Variants in FSTL4 observed in about 807,000 individuals in gnomAD.
FSTL4 encodes the protein follistatin like 4.
Under a neutral mutation model 78.2 loss-of-function variants are expected in FSTL4, and 28 were observed. The observed-to-expected ratio is 0.36, with a 90% confidence interval of 0.27 to 0.49. The LOEUF (loss-of-function observed/expected upper bound fraction) is 0.49. Ranked by LOEUF, FSTL4 falls within the 20% of genes least tolerant of loss-of-function variation. FSTL4 has a pLI of 0.98. For synonymous variants in FSTL4, 422 were observed against 440.5 expected (o/e 0.96, Z 0.53); for missense variants, 922 against 1,084.9 (o/e 0.85, Z 2.11).
chr5:133,467,489 T>G (rs1405013275), intron 3 of FSTL4, among the ~76,000 whole-genome samples: 1 of 152,070 alleles, frequency 6.6e-6, no homozygotes, highest in African/African-American at 2.4e-5. Context: ...TATGATCTGA[T>G]TGTGTTACTT....
rs1380097378 is a variant in FSTL4 at position 133,383,135 on chromosome 5, C to T, written c.409+17603G>A. Among the ~76,000 whole-genome samples, 7 of 152,212 alleles carry T rather than the reference C, an allele frequency of 4.6e-5. No homozygotes were observed. The East Asian group carries it at 1.3e-3, about 29-fold the overall frequency. Reference sequence around the variant, plus strand: ...CCCGGCCCACCCTGATTTTGTCCTACCCTGAGTTTCAAATGTCTCCCAGTC... The same window carrying T: ...CCCGGCCCACCCTGATTTTGTCCTATCCTGAGTTTCAAATGTCTCCCAGTC... On this transcript the variant is annotated intron_variant, in intron 4 of 15. Transcript: ENST00000265342.
At chr5:133,639,566 C>T in the FSTL4 span, among the ~76,000 whole-genome samples, 1 of 152,174 alleles carries the variant, frequency 6.6e-6, no homozygotes. Flanking sequence ...AAACCCAGAG[C>T]TTTGAGTCAA....
the FSTL4 span, among the ~76,000 whole-genome samples, chr5:133,637,974 TAA>T: frequency 1.3e-5 from 2 of 150,814 alleles, no homozygotes; most frequent in Admixed American, 6.6e-5. Flanking sequence ...ATAATAATAA[TAA>T]TAAATTAATT....
rs59400068 is a variant in FSTL4, at chr5:133,221,891, G to GTTTTTTTT, written c.1340-1033_1340-1026dup. On this transcript the variant is annotated intron_variant, in intron 11 of 15. Transcript: ENST00000265342. ...AATATGTAGAAAAATCTCTTTTCTA[G>GTTTTTTTT]TTTTTTTTTTTTTTTTTTTTTTTTT... Among the ~76,000 whole-genome samples, 17 of 43,352 alleles carry GTTTTTTTT rather than the reference G, an allele frequency of 3.9e-4. 2 individuals are homozygous for GTTTTTTTT. Among genetic ancestry groups the GTTTTTTTT allele is most frequent in the East Asian group, 1.5e-3 (1 of 646 alleles). 28.4% of individuals were successfully genotyped at this position (43,352 alleles called of 152,430 possible). A position where few individuals can be genotyped will look rare whatever the true frequency, so the allele number is the denominator to read the frequency against.
At chr5:133,733,555 C>T in the FSTL4 span, among the ~76,000 whole-genome samples, 4 of 152,130 alleles carry the variant, frequency 2.6e-5, no homozygotes, top group African/African-American at 9.7e-5. Flanking sequence ...CAGAAAAATC[C>T]AGATGGTGGG....
At position 133,199,688 on chromosome 5, in the gene FSTL4, C is replaced by T. The variant is rs748463387; in HGVS notation, c.1936G>A (p.Ala646Thr). 6.2e-7 allele frequency: 1 copy of T among 1,613,878 alleles called. No homozygotes were observed. The highest frequency in any genetic ancestry group is 1.3e-5 in the African/African-American group (1 of 75,044). ...GLHHHGCVPQ[A>T]MAHTHLGGYF... is the part of the protein sequence containing the mutation. ...CCGCCCAGGTGGGTGTGTGCCATGG[C>T]CTGGGGCACGCAGCCATGGTGGTGC... Residue 646 changes from alanine (A) to threonine (T), a missense_variant, in exon 16 of 16, where the codon GCC becomes ACC. Ala to Thr is a moderately conservative substitution (Grantham distance 58). Transcript: ENST00000265342. The surrounding 1 kb of genome is among the most constrained non-coding windows in gnomAD (Gnocchi z 4.4).
intron 12 of FSTL4, among the ~76,000 whole-genome samples, chr5:133,218,396 C>T (rs1750984330): frequency 6.6e-6 from 1 of 152,172 alleles, no homozygotes; most frequent in Non-Finnish European, 1.5e-5. Flanking sequence ...CCCTAGCCTC[C>T]CAACCTGTTC....
the FSTL4 span, among the ~76,000 whole-genome samples, chr5:133,695,995 CA>C: frequency 2.0e-5 from 3 of 152,234 alleles, no homozygotes; most frequent in Non-Finnish European, 2.9e-5. Flanking sequence ...ACACTTTTCC[CA>C]GCACTCCATC....
At chr5:133,502,217 C>T (rs1454437018) in intron 3 of FSTL4, among the ~76,000 whole-genome samples, 1 of 152,168 alleles carries the variant, frequency 6.6e-6, no homozygotes. Flanking sequence ...ACGGGTGATG[C>T]AAAGACAGAA....
chr5:133,705,994 C>G, the FSTL4 span, among the ~76,000 whole-genome samples: 1 of 152,160 alleles, frequency 6.6e-6, no homozygotes, highest in African/African-American at 2.4e-5. Context: ...ACCATCTCCC[C>G]AACTATGCTA....
chr5:133,222,525 C>T (rs764127342), intron 11 of FSTL4, among the ~76,000 whole-genome samples: 38 of 152,184 alleles, frequency 2.5e-4, no homozygotes, highest in Non-Finnish European at 4.6e-4. Flanking sequence ...CAGGAACAGC[C>T]TCCCAAGTCT....
At chr5:133,410,640 G>A (rs1006164814) in intron 3 of FSTL4, among the ~76,000 whole-genome samples, 3 of 152,102 alleles carry the variant, frequency 2.0e-5, no homozygotes, top group East Asian at 3.9e-4. Flanking sequence ...GGGCCGCCCC[G>A]GTCCGCACCT....
intron 3 of FSTL4, among the ~76,000 whole-genome samples, chr5:133,450,535 AG>A (rs1235518016): frequency 6.6e-6 from 1 of 152,260 alleles, no homozygotes; most frequent in African/African-American, 2.4e-5. Flanking sequence ...CAGAAGAATC[AG>A]GGTTAAAAAA....
At chr5:133,734,916 C>G in the FSTL4 span, among the ~76,000 whole-genome samples, 1 of 152,190 alleles carries the variant, frequency 6.6e-6, no homozygotes, top group Admixed American at 6.5e-5. Context: ...GTACGTAAAC[C>G]CTCACCATCA....
chr5:133,661,391 T>C, the FSTL4 span, among the ~76,000 whole-genome samples: 1 of 152,200 alleles, frequency 6.6e-6, no homozygotes, highest in Non-Finnish European at 1.5e-5. Context: ...AGTAAGAGCT[T>C]CACTCGGTGG....
At chr5:133,706,806 AC>A in the FSTL4 span, among the ~76,000 whole-genome samples, 4 of 152,128 alleles carry the variant, frequency 2.6e-5, no homozygotes, top group Non-Finnish European at 5.9e-5. Flanking sequence ...GAATTTGGAA[AC>A]CGTGCAATAC....
At chr5:133,696,161 C>T in the FSTL4 span, among the ~76,000 whole-genome samples, 9 of 152,208 alleles carry the variant, frequency 5.9e-5, no homozygotes, top group South Asian at 4.1e-4. Context: ...GCAGGGAGAA[C>T]GCAGGGCTGC....
the FSTL4 span, among the ~76,000 whole-genome samples, chr5:133,733,253 A>G: frequency 6.6e-6 from 1 of 152,232 alleles, no homozygotes; most frequent in South Asian, 2.1e-4. Context: ...TGGGTAATCT[A>G]GTTTTTCTGA....
the FSTL4 span, among the ~76,000 whole-genome samples, chr5:133,788,377 A>T: frequency 1.3e-5 from 2 of 152,214 alleles, no homozygotes; most frequent in African/African-American, 4.8e-5. Context: ...GGATGACGGG[A>T]CCACTGTAAT....
Sources: gnomAD v4.1 joint callset for allele counts (sites outside exome capture counted in the v4.1 genomes callset) on GRCh38, gnomAD v4.1.1 for gene constraint, Gnocchi (gnomAD v3.1) non-coding constraint, MANE v1.5 for transcripts, NCBI Gene and HGNC (gene_info 2026-07-23, HGNC 2026-07-21) for gene names.